AK3: variants seen among roughly 807,000 people sequenced by gnomAD.
The protein encoded by AK3 is GTP:AMP phosphotransferase AK3, mitochondrial.
In AK3, 27 loss-of-function variants were observed where a neutral mutation model predicts 23.7. The ratio of observed to expected loss-of-function variants is 1.14; its 90% CI spans 0.84 to 1.57. AK3 has a LOEUF of 1.57. Among genes scored for constraint, AK3 ranks in the 40% most tolerant of loss-of-function variants. The probability of loss-of-function intolerance (pLI) is 0.00; values close to 1 mark genes in which losing one functional copy is unlikely to be tolerated. For synonymous variants in AK3, 159 were observed against 116.0 expected, an observed-to-expected ratio of 1.37 and a Z score of -2.38; for missense variants, 406 against 285.6, an observed-to-expected ratio of 1.42 and a Z score of -3.04.
chr9:4,713,741 C>T (rs1026839872), intron 4 of AK3, among the ~76,000 whole-genome samples: 1 of 152,094 alleles, frequency 6.6e-6, no homozygotes, highest in Non-Finnish European at 1.5e-5. Context: ...TGTCACTAGA[C>T]CAGCAGCCAA....
At chr9:4,728,866 T>TATATATACACACAC (rs1395790351) in intron 1 of AK3, among the ~76,000 whole-genome samples, 35 of 87,878 alleles carry the variant, frequency 4.0e-4, no homozygotes, top group African/African-American at 4.9e-4. Flanking sequence ...TATATATATA[T>TATATATACACACAC]ACACACACAC....
Position 4,718,524 on chromosome 9 carries a change from A to T in AK3, c.458T>A (p.Leu153Gln). 4 of 1,613,288 alleles carry T rather than the reference A, an allele frequency of 2.5e-6. No homozygotes were observed. Among genetic ancestry groups the T allele is most frequent in the Non-Finnish European group, 3.4e-6 (4 of 1,179,360 alleles). ...ACGCTGAATGAGAGGCTCCCCAGTC[A>T]GGTCATCAATGCCCTAAACAGGATT... ...NPPKTVGIDDLTGEPLIQRED... is the reference protein window; with the variant it reads ...NPPKTVGIDDQTGEPLIQRED... The change falls in exon 4 of 5, where the codon CTG becomes CAG. Residue 153 changes from leucine (L) to glutamine (Q), a missense_variant. Transcript: ENST00000381809.
intron 1 of AK3, among the ~76,000 whole-genome samples, chr9:4,735,236 T>C (rs1409973589): frequency 3.9e-5 from 3 of 77,472 alleles, no homozygotes; most frequent in Non-Finnish European, 2.4e-5. Context: ...TATATATATA[T>C]ACATATATAA....
In AK3 at chr9:4,710,651, G is replaced by GC. The variant is rs1476708674; in HGVS notation, c.*2324dup. The GC allele has an allele frequency of 6.6e-6, 1 of 152,100 alleles. No individual in the cohort carries two copies. The highest frequency in any genetic ancestry group is 2.4e-5 in the African/African-American group (1 of 41,382). The allele number at this position is 152,100 out of a possible 1,614,324, so 9.4% of individuals were successfully genotyped here. A position where few individuals can be genotyped will look rare whatever the true frequency, so the allele number is the denominator to read the frequency against. Reference sequence around the variant, plus strand: ...ATTATTTTTTTGGGTGGGGGCAGTGGCTTACACCTGTAATCTCAGCACTTG... The same window carrying GC: ...ATTATTTTTTTGGGTGGGGGCAGTGGCCTTACACCTGTAATCTCAGCACTTG... On this transcript the variant is annotated 3_prime_UTR_variant, in exon 5 of 5. Transcript: ENST00000381809.
At chr9:4,735,312 AATAT>A (rs74199703) in intron 1 of AK3, among the ~76,000 whole-genome samples, 1 of 11,140 alleles carries the variant, frequency 9.0e-5, no homozygotes, top group Non-Finnish European at 1.8e-4. Flanking sequence ...TACATATATA[AATAT>A]ATATATACAT....
In AK3 at chr9:4,712,464, T is replaced by G. The variant is rs1207246611; in HGVS notation, c.*512A>C. On this transcript the variant is annotated 3_prime_UTR_variant, in exon 5 of 5. Coordinates refer to ENST00000381809, the MANE Select transcript of AK3 (RefSeq NM_016282.4). Reference sequence around the variant, plus strand: ...TTCTTAGTGTAAAGGCAGCAGTGAATTTGTGTCTCACAATAAATCTGTAAA... The same window carrying G: ...TTCTTAGTGTAAAGGCAGCAGTGAAGTTGTGTCTCACAATAAATCTGTAAA... 6.6e-6 allele frequency: 1 copy of G among 152,346 alleles called. No individual in the cohort carries two copies. Among genetic ancestry groups the G allele is most frequent in the African/African-American group, 2.4e-5 (1 of 41,458 alleles). 9.4% of individuals were successfully genotyped at this position (152,346 alleles called of 1,614,324 possible).
chr9:4,723,817 C>G (rs1466129626), intron 1 of AK3, among the ~76,000 whole-genome samples: 1 of 152,118 alleles, frequency 6.6e-6, no homozygotes, highest in African/African-American at 2.4e-5. Context: ...TTCCTCATCA[C>G]CAAAGACTCT....
At chr9:4,718,833 A>C (rs1841810203) in intron 3 of AK3, among the ~76,000 whole-genome samples, 1 of 152,218 alleles carries the variant, frequency 6.6e-6, no homozygotes, top group Non-Finnish European at 1.5e-5. Context: ...TTGGAATTTC[A>C]ACTGCAAGTC....
chr9:4,730,533 G>A (rs765656723), intron 1 of AK3, among the ~76,000 whole-genome samples: 2 of 152,114 alleles, frequency 1.3e-5, no homozygotes, highest in African/African-American at 4.8e-5. Flanking sequence ...AGCCCAGGAG[G>A]TCAAGGCTGC....
At chr9:4,741,288 C>T (rs527456893), upstream of AK3, 2 of 463,968 alleles carry the variant, frequency 4.3e-6, no homozygotes, top group African/African-American at 2.0e-5. Flanking sequence ...GTCCGCCTCT[C>T]GGCTACCCCG....
At chr9:4,737,034 T>C (rs946631848) in intron 1 of AK3, among the ~76,000 whole-genome samples, 2 of 150,986 alleles carry the variant, frequency 1.3e-5, no homozygotes, top group Admixed American at 6.6e-5. Context: ...GACTAAGCAA[T>C]CACACTTCAA....
rs1443824808 is a variant in AK3 at position 4,731,341 on chromosome 9, C to A, written c.152-8716G>T. 1.6e-4 allele frequency among the ~76,000 whole-genome samples: 25 copies of A among 152,104 alleles called. 1 individual carries two copies. In the South Asian group the frequency reaches 1.7e-3, roughly 10 times the overall value. On this transcript the variant is annotated intron_variant, in intron 1 of 4. Coordinates refer to ENST00000381809, the MANE Select transcript of AK3 (RefSeq NM_016282.4). ...GCGTCCATGTGTTCTCATCATTTAGCTCCCACTTATAAGTGAGAACATGAG... is the reference window on the plus strand; with the variant it reads ...GCGTCCATGTGTTCTCATCATTTAGATCCCACTTATAAGTGAGAACATGAG...
rs1210181872 is a variant in AK3, at chr9:4,711,697, C to G, written c.*1279G>C. Reference sequence around the variant, plus strand: ...AGACATAATCAAGTTTTTCCTCCATCTCTCATATTTCCCCACTTCTACCAG... The same window carrying G: ...AGACATAATCAAGTTTTTCCTCCATGTCTCATATTTCCCCACTTCTACCAG... On this transcript the variant is annotated 3_prime_UTR_variant, in exon 5 of 5. Coordinates refer to ENST00000381809, the MANE Select transcript of AK3 (RefSeq NM_016282.4). The G allele has an allele frequency of 6.6e-6, 1 of 152,134 alleles. No homozygotes were observed. The highest frequency in any genetic ancestry group is 1.5e-5 in the Non-Finnish European group (1 of 68,028). The allele number at this position is 152,134 out of a possible 1,614,324, so 9.4% of individuals were successfully genotyped here. A position where few individuals can be genotyped will look rare whatever the true frequency, so the allele number is the denominator to read the frequency against.
At chr9:4,726,323 G>A (rs1424486477) in intron 1 of AK3, among the ~76,000 whole-genome samples, 2 of 152,138 alleles carry the variant, frequency 1.3e-5, no homozygotes, top group African/African-American at 4.8e-5. Flanking sequence ...ATGCAGTGTT[G>A]TGTGATAGTA....
intron 1 of AK3, among the ~76,000 whole-genome samples, chr9:4,728,858 T>TACACACACACAC (rs1210103111): frequency 0.017 from 1,216 of 71,514 alleles, 6 homozygotes; most frequent in Non-Finnish European, 0.027. Flanking sequence ...TATATATATA[T>TACACACACACAC]ATATATATAC....
At chr9:4,715,611 C>A (rs564474613) in intron 4 of AK3, among the ~76,000 whole-genome samples, 14 of 152,030 alleles carry the variant, frequency 9.2e-5, no homozygotes, top group African/African-American at 3.1e-4. Context: ...GTTGCCCAGG[C>A]TGATCTTGAA....
intron 2 of AK3, among the ~76,000 whole-genome samples, chr9:4,720,489 G>T (rs75672170): frequency 0.07 from 10,597 of 152,116 alleles, 502 homozygotes; most frequent in South Asian, 0.2. Flanking sequence ...TTTGAGACCA[G>T]CCTGGGCAAC....
chr9:4,731,597 C>A (rs1021428931), intron 1 of AK3, among the ~76,000 whole-genome samples: 6 of 151,518 alleles, frequency 4.0e-5, no homozygotes, highest in African/African-American at 1.2e-4. Flanking sequence ...AGACTTAACT[C>A]CCTAATCTGA....
chr9:4,709,718 CTG>C lies in AK3; in HGVS notation c.*3256_*3257del, dbSNP rs1427631850. 4 of 152,196 alleles carry C rather than the reference CTG, an allele frequency of 2.6e-5. No homozygotes were observed. Among genetic ancestry groups the C allele is most frequent in the African/African-American group, 4.8e-5 (2 of 41,440 alleles). 9.4% of individuals were successfully genotyped at this position (152,196 alleles called of 1,614,324 possible). On this transcript the variant is annotated 3_prime_UTR_variant, in exon 5 of 5. Transcript: ENST00000381809. The stretch of plus-strand genomic sequence containing the variant: ...TTTAAGCACAGCTACACTATTTTAA[CTG>C]TTTAAAAATTTTTTAACCATAACTT...
Sources: gnomAD v4.1 joint callset for allele counts (sites outside exome capture counted in the v4.1 genomes callset) on GRCh38, gnomAD v4.1.1 for gene constraint, MANE v1.5 for transcripts, NCBI Gene and HGNC (gene_info 2026-07-23, HGNC 2026-07-21) for gene names.